The following NAT2 variants were observed in gnomAD, a reference collection of about 807,000 sequenced individuals.
The protein encoded by NAT2 is arylamine N-acetyltransferase 2.
For synonymous variants in NAT2, 137 were observed against 125.9 expected, an observed-to-expected ratio of 1.09 and a Z score of -0.59; for missense variants, 428 against 339.1, an observed-to-expected ratio of 1.26 and a Z score of -2.06.
chr8:18,391,766 G>T (rs1800595654), intron 1 of NAT2, among the ~76,000 whole-genome samples: 1 of 152,148 alleles, frequency 6.6e-6, no homozygotes, highest in Admixed American at 6.5e-5. Flanking sequence ...GAAATTTGCT[G>T]GTTTCTGGCT....
chr8:18,387,532 A>G, upstream of NAT2: 1 of 152,398 alleles, frequency 6.6e-6, no homozygotes, highest in South Asian at 1.8e-4. Context: ...ATTCACCTCC[A>G]CCTTGTGGAC....
chr8:18,394,180 G>C (rs1585136238), intron 1 of NAT2, among the ~76,000 whole-genome samples: 2 of 152,188 alleles, frequency 1.3e-5, no homozygotes, highest in Admixed American at 1.3e-4. Flanking sequence ...ATTGAGCCAG[G>C]ATGAGCCAGG....
At position 18,393,697 on chromosome 8, in the gene NAT2, C is replaced by T. The variant is rs76846598; in HGVS notation, c.-7+2352C>T. 9.5e-3 allele frequency among the ~76,000 whole-genome samples: 1,451 copies of T among 152,114 alleles called. 10 individuals carry two copies. The highest frequency in any genetic ancestry group is 0.015 in the Non-Finnish European group (1,029 of 68,004). Reference sequence around the variant, plus strand: ...ATTTTCTCCTGATACCTTCAGTTTGCAAGACTTTAAGAAAACCCCAGTTTT... The same window carrying T: ...ATTTTCTCCTGATACCTTCAGTTTGTAAGACTTTAAGAAAACCCCAGTTTT... On this transcript the variant is annotated intron_variant, in intron 1 of 1. Transcript: ENST00000286479.
At chr8:18,391,848 G>T (rs557470095) in intron 1 of NAT2, among the ~76,000 whole-genome samples, 130 of 152,300 alleles carry the variant, frequency 8.5e-4, no homozygotes, top group South Asian at 1.7e-3. Context: ...TTTACCATCT[G>T]TTTTCTCTAA....
intron 1 of NAT2, among the ~76,000 whole-genome samples, chr8:18,399,076 T>C (rs1053601989): frequency 6.6e-5 from 10 of 152,172 alleles, no homozygotes; most frequent in African/African-American, 1.7e-4. Flanking sequence ...TTGTCAGATA[T>C]CATCTCAATC....
At chr8:18,397,365 A>G (rs1026494863) in intron 1 of NAT2, among the ~76,000 whole-genome samples, 6 of 152,156 alleles carry the variant, frequency 3.9e-5, no homozygotes, top group Non-Finnish European at 1.5e-5. Context: ...AGTTATAGAT[A>G]TAAAGATGTA....
chr8:18,394,102 G>T (rs1800641543), intron 1 of NAT2, among the ~76,000 whole-genome samples: 1 of 152,104 alleles, frequency 6.6e-6, no homozygotes, highest in Non-Finnish European at 1.5e-5. Context: ...TAAAAGAAAA[G>T]TACAGTCAAA....
chr8:18,388,546 C>T (rs907128013), upstream of NAT2, among the ~76,000 whole-genome samples: 1 of 148,084 alleles, frequency 6.8e-6, no homozygotes, highest in East Asian at 2.0e-4. Context: ...ATATAGAACC[C>T]TTCTTCAGAG....
Position 18,400,814 on chromosome 8 carries a change from T to C in NAT2, c.811T>C (p.Phe271Leu), listed in dbSNP as rs780656764. 1.2e-6 allele frequency: 2 copies of C among 1,610,628 alleles called. No homozygotes were observed. Among genetic ancestry groups the C allele is most frequent in the African/African-American group, 2.7e-5 (2 of 74,690 alleles). Residue 271 changes from phenylalanine to leucine, a missense_variant, in exon 2 of 2, where the codon TTT becomes CTT. Physicochemically the swap from Phe to Leu is conservative, Grantham distance 22. Transcript: ENST00000286479. Reference protein sequence around the residue: ...EEVEEVLRNIFKISLGRNLVP... With the variant: ...EEVEEVLRNILKISLGRNLVP... ...GGTTGAAGAAGTGCTGAGAAATATATTTAAGATTTCCTTGGGGAGAAATCT... is the reference window on the plus strand; with the variant it reads ...GGTTGAAGAAGTGCTGAGAAATATACTTAAGATTTCCTTGGGGAGAAATCT...
At position 18,400,282 on chromosome 8, in the gene NAT2, T is replaced by C. The variant is rs767856932; in HGVS notation, c.279T>C (p.Phe93=). ...GFQTTMLGGY[F]YIPPVNKYST... ...AGACCACAATGTTAGGAGGGTATTT[T>C]TACATCCCTCCAGTTAACAAATACA... The change falls in exon 2 of 2, where the codon TTT becomes TTC. Residue 93 remains phenylalanine, a synonymous_variant. Coordinates refer to ENST00000286479, the MANE Select transcript of NAT2 (RefSeq NM_000015.3). The C allele has an allele frequency of 1.9e-6, 3 of 1,613,694 alleles. No individual in the cohort carries two copies. Among genetic ancestry groups the C allele is most frequent in the South Asian group, 1.1e-5 (1 of 91,018 alleles).
chr8:18,400,348 C>G lies in NAT2; in HGVS notation c.345C>G (p.Asp115Glu). 1 of 1,612,862 alleles carries G rather than the reference C, an allele frequency of 6.2e-7. No homozygotes were observed. The highest frequency in any genetic ancestry group is 8.5e-7 in the Non-Finnish European group (1 of 1,179,522). ...ACCTTCTCCTGCAGGTGACCATTGA[C>G]GGCAGGAATTACATTGTCGATGCTG... The part of the protein sequence containing the change: ...MVHLLLQVTI[D>E]GRNYIVDAGS... Residue 115 changes from aspartate (D) to glutamate (E), a missense_variant, in exon 2 of 2, where the codon GAC becomes GAG. Physicochemically the swap from Asp to Glu is conservative, Grantham distance 45 (BLOSUM62 2). Coordinates refer to ENST00000286479, the MANE Select transcript of NAT2 (RefSeq NM_000015.3).
rs770672993 is a variant in NAT2, at chr8:18,400,909, T to C, written c.*33T>C. 1 of 1,470,678 alleles carries C rather than the reference T, an allele frequency of 6.8e-7. No individual in the cohort carries two copies. Among genetic ancestry groups the C allele is most frequent in the Admixed American group, 2.3e-5 (1 of 43,576 alleles). The allele number at this position is 1,470,678 out of a possible 1,614,324, so 91.1% of individuals were successfully genotyped here. A position where few individuals can be genotyped will look rare whatever the true frequency, so the allele number is the denominator to read the frequency against. ...AACAAAATAAACCCTTGTGTATGTA[T>C]CACCCAACTCACTAATTATCAACTT... On this transcript the variant is annotated 3_prime_UTR_variant, in exon 2 of 2. Transcript: ENST00000286479.
intron 1 of NAT2, among the ~76,000 whole-genome samples, chr8:18,398,969 C>T (rs1454553189): frequency 4.6e-5 from 7 of 152,134 alleles, no homozygotes; most frequent in African/African-American, 9.7e-5. Context: ...AACACTGTTC[C>T]GCTTATAACC....
chr8:18,400,691 G>A lies in NAT2; in HGVS notation c.688G>A (p.Gly230Arg). 1 of 1,613,842 alleles carries A rather than the reference G, an allele frequency of 6.2e-7. No individual in the cohort carries two copies. The highest frequency in any genetic ancestry group is 8.5e-7 in the Non-Finnish European group (1 of 1,179,940). Residue 230 changes from glycine to arginine, a missense_variant, in exon 2 of 2, where the codon GGG becomes AGG. By Grantham distance (125) the Gly-to-Arg change is moderately radical. Transcript: ENST00000286479. Reference protein sequence around the residue: ...TSFCSLQTPEGVYCLVGFILT... With the variant: ...TSFCSLQTPERVYCLVGFILT... The stretch of plus-strand genomic sequence containing the variant: ...ATTTTGTTCCTTGCAGACCCCAGAA[G>A]GGGTTTACTGTTTGGTGGGCTTCAT...
At chr8:18,397,966 T>C (rs1421856581) in intron 1 of NAT2, among the ~76,000 whole-genome samples, 1 of 152,224 alleles carries the variant, frequency 6.6e-6, no homozygotes, top group African/African-American at 2.4e-5. Flanking sequence ...CCATTATCAC[T>C]TAATTCTGTG....
rs1800784003 is a variant in NAT2 at position 18,401,020 on chromosome 8, C to T, written c.*144C>T. On this transcript the variant is annotated 3_prime_UTR_variant, in exon 2 of 2. Transcript: ENST00000286479. ...ATACTTTCATCCATAAAAATGTCAG[C>T]ATTTATTAAAAAACAATAACTTTTT... 1 of 533,826 alleles carries T rather than the reference C, an allele frequency of 1.9e-6. No individual in the cohort carries two copies. Among genetic ancestry groups the T allele is most frequent in the African/African-American group, 2.0e-5 (1 of 50,386 alleles). The allele number at this position is 533,826 out of a possible 1,614,324, so 33.1% of individuals were successfully genotyped here. A position where few individuals can be genotyped will look rare whatever the true frequency, so the allele number is the denominator to read the frequency against.
At chr8:18,394,142 G>A (rs1025257969) in intron 1 of NAT2, among the ~76,000 whole-genome samples, 4 of 152,110 alleles carry the variant, frequency 2.6e-5, no homozygotes, top group African/African-American at 7.2e-5. Context: ...GGCAGAGTGG[G>A]GGTCACAAGG....
At chr8:18,392,547 A>G (rs1281639453) in intron 1 of NAT2, among the ~76,000 whole-genome samples, 1 of 152,218 alleles carries the variant, frequency 6.6e-6, no homozygotes, top group Non-Finnish European at 1.5e-5. Context: ...GCAGCTGATT[A>G]GATGGTGCCC....
intron 1 of NAT2, among the ~76,000 whole-genome samples, chr8:18,398,936 A>T (rs1236870806): frequency 6.6e-6 from 1 of 152,204 alleles, no homozygotes; most frequent in Non-Finnish European, 1.5e-5. Context: ...CACAGTAGCT[A>T]GACAGATCAC....
Sources: gnomAD v4.1 joint callset for allele counts (sites outside exome capture counted in the v4.1 genomes callset) on GRCh38, gnomAD v4.1.1 for gene constraint, MANE v1.5 for transcripts, NCBI Gene and HGNC (gene_info 2026-07-23, HGNC 2026-07-21) for gene names.